The following ATP6V0A4 variants were observed in gnomAD, a reference collection of about 807,000 sequenced individuals.
ATP6V0A4 encodes V-type proton ATPase 116 kDa subunit a 4.
Under a neutral mutation model 107.3 loss-of-function variants are expected in ATP6V0A4, and 86 were observed. That is an observed-to-expected ratio of 0.80 (90% confidence interval 0.67 to 0.96). The LOEUF is 0.96. ATP6V0A4 is among the 40% of genes least tolerant of loss of function. The pLI, the probability that ATP6V0A4 is intolerant of heterozygous loss-of-function variation, is 0.00. For synonymous variants in ATP6V0A4, 353 were observed against 381.4 expected, an observed-to-expected ratio of 0.93 and a Z score of 0.87; for missense variants, 908 against 1,045.6, an observed-to-expected ratio of 0.87 and a Z score of 1.81.
intron 21 of ATP6V0A4, among the ~76,000 whole-genome samples, chr7:138,709,208 CA>C (rs60144433): frequency 0.036 from 1,758 of 49,356 alleles, 12 homozygotes; most frequent in African/African-American, 0.097. Context: ...GAGCCTGTCT[CA>C]AAAAAAAAAA....
chr7:138,759,453 A>G (rs1055679498), intron 8 of ATP6V0A4, among the ~76,000 whole-genome samples: 12 of 152,064 alleles, frequency 7.9e-5, no homozygotes, highest in African/African-American at 1.4e-4. Flanking sequence ...GTTCTTTAAG[A>G]CACAGCTGCC....
chr7:138,755,390 G>T (rs529231578), intron 10 of ATP6V0A4, among the ~76,000 whole-genome samples: 1 of 152,314 alleles, frequency 6.6e-6, no homozygotes, highest in Admixed American at 6.5e-5. Flanking sequence ...ATTCCGTCTA[G>T]GCCGAGGCTG....
intron 21 of ATP6V0A4, among the ~76,000 whole-genome samples, chr7:138,709,333 T>C (rs1050301326): frequency 6.6e-6 from 1 of 150,724 alleles, no homozygotes; most frequent in Non-Finnish European, 1.5e-5. Flanking sequence ...CCAATTGTAA[T>C]AACAAATGAA....
chr7:138,784,593 T>G (rs948775422), intron 2 of ATP6V0A4, among the ~76,000 whole-genome samples: 11 of 151,954 alleles, frequency 7.2e-5, no homozygotes, highest in Non-Finnish European at 1.6e-4. Context: ...GCTGGGATTA[T>G]AGGCGTGAGC....
intron 21 of ATP6V0A4, among the ~76,000 whole-genome samples, chr7:138,707,459 T>C (rs918774894): frequency 5.1e-5 from 7 of 138,328 alleles, no homozygotes; most frequent in African/African-American, 1.9e-4. Flanking sequence ...TGGAGTGCAA[T>C]AGTGCGATCT....
chr7:138,772,673 G>A (rs1807453868), intron 2 of ATP6V0A4, among the ~76,000 whole-genome samples: 1 of 152,166 alleles, frequency 6.6e-6, no homozygotes, highest in African/African-American at 2.4e-5. Context: ...TGAAACTGGG[G>A]GATGATCTTG....
intron 10 of ATP6V0A4, among the ~76,000 whole-genome samples, chr7:138,753,269 G>A (rs778230975): frequency 2.6e-5 from 4 of 152,174 alleles, no homozygotes; most frequent in African/African-American, 7.2e-5. Context: ...AGAATACCAC[G>A]TGACAACAGA....
intron 15 of ATP6V0A4, among the ~76,000 whole-genome samples, chr7:138,737,869 C>T (rs1056265842): frequency 2.0e-5 from 3 of 151,216 alleles, no homozygotes; most frequent in Non-Finnish European, 2.9e-5. Flanking sequence ...TAAAGCAATT[C>T]TCCTGCCTCA....
At chr7:138,761,470 C>G (rs1488749693) in intron 7 of ATP6V0A4, among the ~76,000 whole-genome samples, 2 of 151,784 alleles carry the variant, frequency 1.3e-5, no homozygotes, top group Non-Finnish European at 2.9e-5. Flanking sequence ...CCGTCTCTAC[C>G]AAAAACACAA....
At chr7:138,713,495 TG>T (rs1216327380) in intron 20 of ATP6V0A4, among the ~76,000 whole-genome samples, 1 of 152,112 alleles carries the variant, frequency 6.6e-6, no homozygotes, top group Non-Finnish European at 1.5e-5. Flanking sequence ...CTGGCTTCTC[TG>T]TTCTAGGCAT....
At chr7:138,786,484 T>TG (rs1388226351) in intron 1 of ATP6V0A4, among the ~76,000 whole-genome samples, 1 of 150,826 alleles carries the variant, frequency 6.6e-6, no homozygotes, top group African/African-American at 2.4e-5. Flanking sequence ...GAGGCTGAGG[T>TG]GGGAGGATCG....
intron 19 of ATP6V0A4, among the ~76,000 whole-genome samples, chr7:138,719,991 C>T (rs921033389): frequency 1.3e-5 from 2 of 151,548 alleles, no homozygotes; most frequent in African/African-American, 4.9e-5. Context: ...CACCATTGCA[C>T]TCCAGCCTGG....
At chr7:138,768,332 T>A (rs1006423939) in intron 5 of ATP6V0A4, among the ~76,000 whole-genome samples, 2 of 152,176 alleles carry the variant, frequency 1.3e-5, no homozygotes, top group African/African-American at 4.8e-5. Context: ...AACTGCAGTC[T>A]TCTCCCAGTT....
intron 21 of ATP6V0A4, among the ~76,000 whole-genome samples, chr7:138,707,944 A>G (rs557269378): frequency 6.6e-6 from 1 of 152,238 alleles, no homozygotes; most frequent in Non-Finnish European, 1.5e-5. Flanking sequence ...CACATATTAT[A>G]GAACGCAAAG....
At chr7:138,751,945 G>A (rs1455510670) in intron 11 of ATP6V0A4, among the ~76,000 whole-genome samples, 6 of 152,122 alleles carry the variant, frequency 3.9e-5, no homozygotes, top group Admixed American at 3.9e-4. Flanking sequence ...TGAGGCTGTA[G>A]GGCAGTATGC....
chr7:138,748,592 A>G (rs927569854), intron 12 of ATP6V0A4, among the ~76,000 whole-genome samples: 28 of 152,056 alleles, frequency 1.8e-4, no homozygotes, highest in African/African-American at 5.8e-4. Flanking sequence ...TTTTTAGTAG[A>G]AACAGGGTTT....
chr7:138,787,356 G>C (rs958000947), intron 1 of ATP6V0A4, among the ~76,000 whole-genome samples: 5 of 152,130 alleles, frequency 3.3e-5, no homozygotes, highest in African/African-American at 1.2e-4. Context: ...TCCCCTTCTA[G>C]AAAGTCGCAT....
At chr7:138,754,448 CAAAAAAA>C (rs978640948) in intron 10 of ATP6V0A4, among the ~76,000 whole-genome samples, 59 of 73,526 alleles carry the variant, frequency 8.0e-4, no homozygotes, top group Non-Finnish European at 1.3e-3. Flanking sequence ...AACTCCATCT[CAAAAAAA>C]AAAAAAAAAA....
intron 2 of ATP6V0A4, among the ~76,000 whole-genome samples, chr7:138,781,814 T>A (rs1330171194): frequency 3.0e-4 from 45 of 150,706 alleles, no homozygotes; most frequent in Admixed American, 2.9e-3. Context: ...CAATTTTTTT[T>A]AAAGAAATTT....
Sources: gnomAD v4.1 joint callset for allele counts (sites outside exome capture counted in the v4.1 genomes callset) on GRCh38, gnomAD v4.1.1 for gene constraint, MANE v1.5 for transcripts, NCBI Gene and HGNC (gene_info 2026-07-23, HGNC 2026-07-21) for gene names.